The following DRD3 variants were observed in gnomAD, a reference collection of about 807,000 sequenced individuals.
The protein encoded by DRD3 is D(3) dopamine receptor.
DRD3 carries 19 observed loss-of-function variants against 36.3 expected under a neutral mutation model. That is an observed-to-expected ratio of 0.52 (90% CI 0.36 to 0.77). The LOEUF (loss-of-function observed/expected upper bound fraction) is 0.77, where lower values mean the gene tolerates loss of function less well. Among genes scored for constraint, DRD3 ranks in the 30% least tolerant of loss-of-function variants. The probability of loss-of-function intolerance (pLI) is 0.00; values close to 1 mark genes in which losing one functional copy is unlikely to be tolerated. For missense variants in DRD3, 465 were observed against 505.3 expected (o/e 0.92, Z 0.77); for synonymous variants, 195 against 203.7 (o/e 0.96, Z 0.36).
chr3:114,171,838 A>C lies in DRD3; in HGVS notation c.155T>G (p.Met52Arg). Residue 52 changes from methionine to arginine, a missense_variant, in exon 2 of 7, where the codon ATG (methionine) becomes AGG (arginine). Physicochemically the swap from Met to Arg is moderately conservative, Grantham distance 91 (BLOSUM62 -1). Coordinates refer to ENST00000383673, the MANE Select transcript of DRD3 (RefSeq NM_000796.6). ...AIVFGNGLVC[M>R]AVLKERALQT... is the part of the protein sequence containing the mutation. The stretch of plus-strand genomic sequence containing the variant: ...CAGGGCCCGCTCCTTCAGCACAGCC[A>C]TGCACACCAGGCCATTGCCGAAGAC... 6.2e-7 allele frequency: 1 copy of C among 1,614,068 alleles called. No individual in the cohort carries two copies. The highest frequency in any genetic ancestry group is 8.5e-7 in the Non-Finnish European group (1 of 1,179,968).
intron 1 of DRD3, among the ~76,000 whole-genome samples, chr3:114,189,089 T>C (rs994340501): frequency 1.3e-5 from 2 of 152,268 alleles, no homozygotes; most frequent in Admixed American, 1.3e-4. Context: ...ATCTTTACCA[T>C]GTAAAGTAAT....
chr3:114,137,729 C>T (rs190547979), intron 5 of DRD3, among the ~76,000 whole-genome samples: 206 of 152,056 alleles, frequency 1.4e-3, no homozygotes, highest in African/African-American at 4.4e-3. Context: ...CGGTGGCTCA[C>T]GCTTGTAATC....
intron 1 of DRD3, among the ~76,000 whole-genome samples, chr3:114,193,388 A>G (rs9283560): frequency 0.11 from 16,965 of 152,280 alleles, 1,890 homozygotes; most frequent in African/African-American, 0.29. Flanking sequence ...TACAACAACC[A>G]GAATGAGATG....
chr3:114,147,718 G>A (rs868521613), intron 3 of DRD3, among the ~76,000 whole-genome samples, 161 bp from the exon 4 acceptor site: 8 of 152,132 alleles, frequency 5.3e-5, no homozygotes, highest in African/African-American at 1.9e-4. Context: ...CAACTCCTGG[G>A]ATCAGATCCT....
At position 114,171,834 on chromosome 3, in the gene DRD3, A is replaced by C; in HGVS notation, c.159T>G (p.Ala53=). The part of the protein sequence containing the change: ...IVFGNGLVCM[A]VLKERALQTT... ...TCTGCAGGGCCCGCTCCTTCAGCAC[A>C]GCCATGCACACCAGGCCATTGCCGA... The change falls in exon 2 of 7, where the codon GCT becomes GCG. Residue 53 remains alanine (A), a synonymous_variant. Transcript: ENST00000383673. The C allele has an allele frequency of 6.2e-7, 1 of 1,614,050 alleles. No individual in the cohort carries two copies.
intron 2 of DRD3, among the ~76,000 whole-genome samples, chr3:114,162,930 G>A (rs1320121878): frequency 1.3e-5 from 2 of 152,176 alleles, no homozygotes; most frequent in Non-Finnish European, 2.9e-5. Context: ...TCAAAGAATA[G>A]TGCAAGAGAC....
At chr3:114,180,041 C>G (rs1489520609), upstream of DRD3, among the ~76,000 whole-genome samples, 1 of 152,070 alleles carries the variant, frequency 6.6e-6, no homozygotes, top group Non-Finnish European at 1.5e-5. Context: ...ACACAGCTAA[C>G]AAGTGGCTGA....
chr3:114,197,265 C>T (rs997380834), intron 1 of DRD3, among the ~76,000 whole-genome samples: 2 of 143,212 alleles, frequency 1.4e-5, no homozygotes, highest in Non-Finnish European at 3.0e-5. Flanking sequence ...GTGCACTTGG[C>T]TAATTAAAAA....
intron 1 of DRD3, among the ~76,000 whole-genome samples, chr3:114,178,426 A>G (rs2077921923): frequency 6.6e-6 from 1 of 152,176 alleles, no homozygotes; most frequent in African/African-American, 2.4e-5. Flanking sequence ...AGAGCCCACA[A>G]GGATACAATT....
rs1249484663 is a variant in DRD3 at position 114,178,886 on chromosome 3, T to C, written c.-265A>G. ...ACCTTAGTGCATGTTTCATAGCTGCTTTCGAATGTATCCGTTTTCTTTAGA... is the reference window on the plus strand; with the variant it reads ...ACCTTAGTGCATGTTTCATAGCTGCCTTCGAATGTATCCGTTTTCTTTAGA... On this transcript the variant is annotated 5_prime_UTR_variant, in exon 1 of 7. Transcript: ENST00000383673. 1 of 152,202 alleles carries C rather than the reference T, an allele frequency of 6.6e-6. No individual in the cohort carries two copies. Among genetic ancestry groups the C allele is most frequent in the Non-Finnish European group, 1.5e-5 (1 of 68,032 alleles). The allele number at this position is 152,202 out of a possible 1,614,324, so 9.4% of individuals were successfully genotyped here. A position where few individuals can be genotyped will look rare whatever the true frequency, so the allele number is the denominator to read the frequency against.
chr3:114,129,603 C>T (rs1274738177), intron 6 of DRD3, among the ~76,000 whole-genome samples: 1 of 152,146 alleles, frequency 6.6e-6, no homozygotes, highest in Non-Finnish European at 1.5e-5. Context: ...AAAGATGTGA[C>T]TGACATCGTT....
At chr3:114,160,449 C>G (rs1259161183) in intron 2 of DRD3, among the ~76,000 whole-genome samples, 4 of 152,074 alleles carry the variant, frequency 2.6e-5, no homozygotes, top group Non-Finnish European at 4.4e-5. Flanking sequence ...CTATACATAC[C>G]AAGGTTTGAG....
upstream of DRD3, among the ~76,000 whole-genome samples, chr3:114,183,351 C>T (rs1289988380): frequency 6.6e-6 from 1 of 152,130 alleles, no homozygotes; most frequent in Non-Finnish European, 1.5e-5. Context: ...ACATATGGCC[C>T]ATCCTGGAAA....
At chr3:114,198,896 T>G (rs2078050658) in intron 1 of DRD3, among the ~76,000 whole-genome samples, 1 of 152,120 alleles carries the variant, frequency 6.6e-6, no homozygotes, top group African/African-American at 2.4e-5. Flanking sequence ...CATACCACAA[T>G]GCCAAGCTAA....
intron 3 of DRD3, among the ~76,000 whole-genome samples, chr3:114,151,183 G>A (rs1055662891): frequency 1.3e-5 from 2 of 152,058 alleles, no homozygotes; most frequent in East Asian, 1.9e-4. Context: ...AGACTCTGCC[G>A]GGGGCTTCTA....
intron 1 of DRD3, among the ~76,000 whole-genome samples, chr3:114,174,175 G>C (rs1159643260): frequency 6.6e-6 from 1 of 152,196 alleles, no homozygotes; most frequent in Admixed American, 6.5e-5. Flanking sequence ...CTACCCTGGA[G>C]ATAGCACCGC....
chr3:114,197,780 C>T (rs1050280767), intron 1 of DRD3, among the ~76,000 whole-genome samples: 3 of 152,098 alleles, frequency 2.0e-5, no homozygotes, highest in African/African-American at 7.2e-5. Flanking sequence ...CTGGACTCCT[C>T]TTTTGTTCTA....
intron 2 of DRD3, among the ~76,000 whole-genome samples, chr3:114,169,743 A>T (rs918597989): frequency 6.6e-6 from 1 of 152,190 alleles, no homozygotes; most frequent in Non-Finnish European, 1.5e-5. Context: ...GCACCAGTAT[A>T]TCAGAAGGTA....
chr3:114,192,226 G>T (rs1365856186), intron 1 of DRD3, among the ~76,000 whole-genome samples: 1 of 152,196 alleles, frequency 6.6e-6, no homozygotes, highest in Non-Finnish European at 1.5e-5. Context: ...TATTAATCAA[G>T]TCTTGGCCAC....
Sources: gnomAD v4.1 joint callset for allele counts (sites outside exome capture counted in the v4.1 genomes callset) on GRCh38, gnomAD v4.1.1 for gene constraint, MANE v1.5 for transcripts, NCBI Gene and HGNC (gene_info 2026-07-23, HGNC 2026-07-21) for gene names.